Variants in SLC32A1 observed in about 807,000 individuals in gnomAD.
The protein encoded by SLC32A1 is solute carrier family 32 member 1, also known as vesicular inhibitory amino acid transporter.
SLC32A1 carries 8 observed loss-of-function variants against 35.5 expected under a neutral mutation model. The observed-to-expected ratio is 0.23, with a 90% CI of 0.13 to 0.41. The LOEUF (loss-of-function observed/expected upper bound fraction) is 0.41. Among genes scored for constraint, SLC32A1 ranks in the 10% least tolerant of loss-of-function variants. The pLI is 1.00. For missense variants in SLC32A1, 493 were observed against 722.3 expected, an observed-to-expected ratio of 0.68 and a Z score of 3.64; for synonymous variants, 317 against 326.3, an observed-to-expected ratio of 0.97 and a Z score of 0.31.
chr20:38,724,599 G>A lies in SLC32A1; in HGVS notation c.-126G>A, dbSNP rs911194566. On this transcript the variant is annotated 5_prime_UTR_variant, in exon 1 of 2. Coordinates refer to ENST00000217420, the MANE Select transcript of SLC32A1 (RefSeq NM_080552.3). Reference sequence around the variant, plus strand: ...AGCTGCGAGGGTCATGAGCCAGAGAGCCCCGGGGCGCCGCGCGGAGAGCAA... The same window carrying A: ...AGCTGCGAGGGTCATGAGCCAGAGAACCCCGGGGCGCCGCGCGGAGAGCAA... 7.6e-5 allele frequency: 92 copies of A among 1,210,688 alleles called. No individual in the cohort carries two copies. In the African/African-American group the frequency reaches 1.3e-3, roughly 17 times the overall value. The allele number at this position is 1,210,688 out of a possible 1,614,324, so 75.0% of individuals were successfully genotyped here.
In SLC32A1 at chr20:38,727,324, G is replaced by T. The variant is rs2084280190; in HGVS notation, c.391-128G>T. 3 of 820,976 alleles carry T rather than the reference G, an allele frequency of 3.7e-6. No individual in the cohort carries two copies. In the South Asian group the frequency reaches 5.0e-5, roughly 14 times the overall value. The allele number at this position is 820,976 out of a possible 1,614,324, so 50.9% of individuals were successfully genotyped here. ...TGCTCTTAACCTCTCCTCCCCGGCG[G>T]CTCAGACCCAATTCTCAGTGTCCTT... On this transcript the variant is annotated intron_variant, in intron 1 of 1. Coordinates refer to ENST00000217420, the MANE Select transcript of SLC32A1 (RefSeq NM_080552.3).
chr20:38,724,595 G>C lies in SLC32A1; in HGVS notation c.-130G>C. 8.5e-7 allele frequency: 1 copy of C among 1,181,694 alleles called. No individual in the cohort carries two copies. The highest frequency in any genetic ancestry group is 1.2e-6 in the Non-Finnish European group (1 of 864,122). The allele number at this position is 1,181,694 out of a possible 1,614,324, so 73.2% of individuals were successfully genotyped here. A position where few individuals can be genotyped will look rare whatever the true frequency, so the allele number is the denominator to read the frequency against. On this transcript the variant is annotated 5_prime_UTR_variant, in exon 1 of 2. Coordinates refer to ENST00000217420, the MANE Select transcript of SLC32A1 (RefSeq NM_080552.3). ...CGCCAGCTGCGAGGGTCATGAGCCA[G>C]AGAGCCCCGGGGCGCCGCGCGGAGA...
rs1223842487 is a variant in SLC32A1 at position 38,727,679 on chromosome 20, G to A, written c.618G>A (p.Val206=). 6 of 1,614,100 alleles carry A rather than the reference G, an allele frequency of 3.7e-6. No homozygotes were observed. In the Admixed American group the frequency reaches 1.0e-4, roughly 27 times the overall value. Residue 206 remains valine (V), a synonymous_variant, in exon 2 of 2, where the codon GTG becomes GTA. Transcript: ENST00000217420. The part of the protein sequence containing the change: ...PRFPTLGGRV[V]NVAQIIELVM... ...TCCCAACGCTGGGCGGCCGAGTGGT[G>A]AACGTAGCGCAGATCATCGAGCTGG...
chr20:38,728,486 C>T lies in SLC32A1; in HGVS notation c.1425C>T (p.Leu475=). The change falls in exon 2 of 2, where the codon CTC becomes CTT. Residue 475 remains leucine, a synonymous_variant. Coordinates refer to ENST00000217420, the MANE Select transcript of SLC32A1 (RefSeq NM_080552.3). The part of the protein sequence containing the change: ...GAGLCFLLPS[L]FHLRLLWRKL... The stretch of plus-strand genomic sequence containing the variant: ...GCCTCTGTTTCTTGCTGCCCAGCCT[C>T]TTTCACCTGCGCCTGCTCTGGCGCA... 1.2e-6 allele frequency: 2 copies of T among 1,613,448 alleles called. No homozygotes were observed. The highest frequency in any genetic ancestry group is 1.7e-6 in the Non-Finnish European group (2 of 1,179,978).
chr20:38,728,235 T>C lies in SLC32A1; in HGVS notation c.1174T>C (p.Leu392=). 6.2e-7 allele frequency: 1 copy of C among 1,614,214 alleles called. No homozygotes were observed. Among genetic ancestry groups the C allele is most frequent in the Non-Finnish European group, 8.5e-7 (1 of 1,180,034 alleles). The change falls in exon 2 of 2, where the codon TTG becomes CTG. Residue 392 remains leucine (L), a synonymous_variant. Coordinates refer to ENST00000217420, the MANE Select transcript of SLC32A1 (RefSeq NM_080552.3). ...CATCTTTCTGGTGGCCAAGGCGCTG[T>C]TGTCCTATCCTCTGCCATTCTTTGC... ...VNIFLVAKAL[L]SYPLPFFAAV...
chr20:38,725,364 C>T (rs142667398), intron 1 of SLC32A1, among the ~76,000 whole-genome samples: 2 of 152,352 alleles, frequency 1.3e-5, no homozygotes, highest in African/African-American at 2.4e-5. Flanking sequence ...GTCTGAGACA[C>T]CTGTCCGGAG....
rs775885753 is a variant in SLC32A1, at chr20:38,727,550, C to T, written c.489C>T (p.Gly163=). The T allele has an allele frequency of 9.3e-6, 15 of 1,609,696 alleles. No homozygotes were observed. In the East Asian group the frequency reaches 2.7e-4, roughly 29 times the overall value. ...IFAAVVCCYT[G]KILIACLYEE... The stretch of plus-strand genomic sequence containing the variant: ...CCGCCGTTGTGTGCTGCTACACCGG[C>T]AAGATCCTCATCGCGTGCCTGTACG... Residue 163 remains glycine, a synonymous_variant, in exon 2 of 2, where the codon GGC becomes GGT. Transcript: ENST00000217420.
At position 38,724,524 on chromosome 20, in the gene SLC32A1, A is replaced by G; in HGVS notation, c.-201A>G. 1 of 646,280 alleles carries G rather than the reference A, an allele frequency of 1.5e-6. No individual in the cohort carries two copies. Among genetic ancestry groups the G allele is most frequent in the Non-Finnish European group, 2.5e-6 (1 of 401,798 alleles). 40.0% of individuals were successfully genotyped at this position (646,280 alleles called of 1,614,324 possible). A position where few individuals can be genotyped will look rare whatever the true frequency, so the allele number is the denominator to read the frequency against. ...CCACCGCCGCCGCCGCCGCTCCGCC[A>G]GACCTGCTGCCAGCTTGCCCGGTCC... is the stretch of plus-strand genomic sequence containing the variant. On this transcript the variant is annotated 5_prime_UTR_variant, in exon 1 of 2. Transcript: ENST00000217420.
In SLC32A1 at chr20:38,728,246, T is replaced by G. The variant is rs747712519; in HGVS notation, c.1185T>G (p.Pro395=). The part of the protein sequence containing the change: ...FLVAKALLSY[P]LPFFAAVEVL... ...TGGCCAAGGCGCTGTTGTCCTATCC[T>G]CTGCCATTCTTTGCCGCTGTCGAGG... The change falls in exon 2 of 2, where the codon CCT becomes CCG. Residue 395 remains proline, a synonymous_variant. Transcript: ENST00000217420. 6.2e-7 allele frequency: 1 copy of G among 1,613,994 alleles called. No individual in the cohort carries two copies. The highest frequency in any genetic ancestry group is 8.5e-7 in the Non-Finnish European group (1 of 1,179,864).
At chr20:38,725,147 C>A (rs755373365) in intron 1 of SLC32A1, 33 bp downstream of exon 1, 1 of 1,501,538 alleles carries the variant, frequency 6.7e-7, no homozygotes, top group African/African-American at 1.4e-5. Context: ...TGCCTGTCCT[C>A]CCCCCTCCCA....
At chr20:38,725,175 C>A in intron 1 of SLC32A1, 61 bp downstream of exon 1, 1 of 1,489,752 alleles carries the variant, frequency 6.7e-7, no homozygotes. Context: ...GTGCCGGGCT[C>A]TGCCCCCGAC....
chr20:38,726,247 G>A lies in SLC32A1; in HGVS notation c.390+1133G>A. Among the ~76,000 whole-genome samples, 1 of 152,216 alleles carries A rather than the reference G, an allele frequency of 6.6e-6. No homozygotes were observed. The highest frequency in any genetic ancestry group is 1.9e-4 in the East Asian group (1 of 5,180). ...TGGAGCGCACTATCACTGGGGCCAC[G>A]GAAGGCAGGTTTTCTGGGAGCAGAG... On this transcript the variant is annotated intron_variant, in intron 1 of 1. Coordinates refer to ENST00000217420, the MANE Select transcript of SLC32A1 (RefSeq NM_080552.3). The surrounding 1 kb of genome is among the most constrained non-coding windows in gnomAD (Gnocchi z 4.7).
rs1041546113 is a variant in SLC32A1 at position 38,724,688 on chromosome 20, G to A, written c.-37G>A. 3 of 1,547,794 alleles carry A rather than the reference G, an allele frequency of 1.9e-6. No homozygotes were observed. The highest frequency in any genetic ancestry group is 4.6e-5 in the East Asian group (2 of 43,786). ...CTTGCATCGCGTTCCCCGCATCCTC[G>A]GGTCCTTCTGTCCTTTCCGCTGTCC... On this transcript the variant is annotated 5_prime_UTR_variant, in exon 1 of 2. Coordinates refer to ENST00000217420, the MANE Select transcript of SLC32A1 (RefSeq NM_080552.3).
intron 1 of SLC32A1, 150 bp downstream of exon 1, chr20:38,725,264 C>T: frequency 9.7e-7 from 1 of 1,029,678 alleles, no homozygotes; most frequent in Non-Finnish European, 1.3e-6. Flanking sequence ...CAGCCCTGCG[C>T]GGGGACCTAC....
Position 38,727,911 on chromosome 20 carries a change from T to A in SLC32A1, c.850T>A (p.Tyr284Asn), listed in dbSNP as rs1003447285. The change falls in exon 2 of 2, where the codon TAC becomes AAC. Residue 284 changes from tyrosine to asparagine, a missense_variant. Around this residue, in one of 4 missense-constraint regions of SLC32A1, gnomAD observed 269 missense variants for 445.6 expected, o/e 0.60. Transcript: ENST00000217420. Reference protein sequence around the residue: ...HFVINILVIAYCLSRARDWAW... With the variant: ...HFVINILVIANCLSRARDWAW... Reference sequence around the variant, plus strand: ...CGTCATCAATATCCTGGTCATAGCCTACTGTCTATCGCGGGCGCGCGACTG... The same window carrying A: ...CGTCATCAATATCCTGGTCATAGCCAACTGTCTATCGCGGGCGCGCGACTG... 6.2e-7 allele frequency: 1 copy of A among 1,614,110 alleles called. No homozygotes were observed. The highest frequency in any genetic ancestry group is 1.3e-5 in the African/African-American group (1 of 74,940).
At position 38,727,572 on chromosome 20, in the gene SLC32A1, T is replaced by G; in HGVS notation, c.511T>G (p.Tyr171Asp). The change falls in exon 2 of 2, where the codon TAC becomes GAC. Residue 171 changes from tyrosine (Y) to aspartate (D), a missense_variant. This residue lies in a region of SLC32A1 where 46 missense variants were observed against 39.7 expected (regional missense o/e 1.16). Transcript: ENST00000217420. ...YTGKILIACL[Y>D]EENEDGEVVR... ...CGGCAAGATCCTCATCGCGTGCCTG[T>G]ACGAGGAGAATGAAGACGGCGAGGT... 1 of 1,610,992 alleles carries G rather than the reference T, an allele frequency of 6.2e-7. No homozygotes were observed. Among genetic ancestry groups the G allele is most frequent in the Non-Finnish European group, 8.5e-7 (1 of 1,180,020 alleles).
chr20:38,725,056 A>G lies in SLC32A1; in HGVS notation c.332A>G (p.His111Arg). The change falls in exon 1 of 2, where the codon CAC becomes CGC. Residue 111 changes from histidine (H) to arginine (R), a missense_variant. Physicochemically the swap from His to Arg is conservative, Grantham distance 29. Coordinates refer to ENST00000217420, the MANE Select transcript of SLC32A1 (RefSeq NM_080552.3). ...GGAGGTGGTGGCGAATTCGGGGGCC[A>G]CGACAAGCCCAAAATCACGGCGTGG... ...QVGGGGEFGG[H>R]DKPKITAWEA... 1 of 1,525,672 alleles carries G rather than the reference A, an allele frequency of 6.6e-7. No homozygotes were observed. Among genetic ancestry groups the G allele is most frequent in the Non-Finnish European group, 8.8e-7 (1 of 1,138,724 alleles). 94.5% of individuals were successfully genotyped at this position (1,525,672 alleles called of 1,614,324 possible).
In SLC32A1 at chr20:38,728,393, G is replaced by T. The variant is rs1431708751; in HGVS notation, c.1332G>T (p.Leu444=). The change falls in exon 2 of 2, where the codon CTG becomes CTT. Residue 444 remains leucine, a synonymous_variant. Coordinates refer to ENST00000217420, the MANE Select transcript of SLC32A1 (RefSeq NM_080552.3). The part of the protein sequence containing the change: ...TLRCALVVFT[L]LMAIYVPHFA... Reference sequence around the variant, plus strand: ...GCTGCGCGCTCGTCGTCTTCACGCTGCTCATGGCCATTTATGTGCCGCACT... The same window carrying T: ...GCTGCGCGCTCGTCGTCTTCACGCTTCTCATGGCCATTTATGTGCCGCACT... 2 of 1,610,782 alleles carry T rather than the reference G, an allele frequency of 1.2e-6. No individual in the cohort carries two copies. The highest frequency in any genetic ancestry group is 1.7e-5 in the Admixed American group (1 of 59,910).
rs901591512 is a variant in SLC32A1, at chr20:38,728,939, C to G, written c.*300C>G. 8.2e-6 allele frequency: 3 copies of G among 366,492 alleles called. No homozygotes were observed. The highest frequency in any genetic ancestry group is 4.3e-5 in the Admixed American group (1 of 23,296). The allele number at this position is 366,492 out of a possible 1,614,324, so 22.7% of individuals were successfully genotyped here. ...CAAGTGGGGCCCCGACACTTTGGTT[C>G]CAGTCATCGAGGGGGTTGGGAAGGG... On this transcript the variant is annotated 3_prime_UTR_variant, in exon 2 of 2. Coordinates refer to ENST00000217420, the MANE Select transcript of SLC32A1 (RefSeq NM_080552.3).
Sources: gnomAD v4.1 joint callset for allele counts (sites outside exome capture counted in the v4.1 genomes callset) on GRCh38, gnomAD v4.1.1 for gene constraint, gnomAD v4.1.1 regional missense constraint, Gnocchi (gnomAD v3.1) non-coding constraint, MANE v1.5 for transcripts, NCBI Gene and HGNC (gene_info 2026-07-23, HGNC 2026-07-21) for gene names.